TBXAS1: variants seen among roughly 807,000 people sequenced by gnomAD.
TBXAS1 encodes thromboxane-A synthase.
A neutral mutation model predicts 60.7 loss-of-function variants in TBXAS1; 48 were observed. The ratio of observed to expected loss-of-function variants is 0.79; its 90% CI spans 0.63 to 1.01. TBXAS1 has a LOEUF of 1.01. Among genes scored for constraint, TBXAS1 ranks in the 50% least tolerant of loss-of-function variants. The pLI, the probability that TBXAS1 is intolerant of heterozygous loss-of-function variation, is 0.00. For synonymous variants in TBXAS1, 287 were observed against 269.7 expected, an observed-to-expected ratio of 1.06 and a Z score of -0.63; for missense variants, 685 against 686.3, an observed-to-expected ratio of 1.00 and a Z score of 0.02.
intron 1 of TBXAS1, among the ~76,000 whole-genome samples, chr7:139,845,270 G>A (rs956714121): frequency 1.3e-5 from 2 of 152,088 alleles, no homozygotes; most frequent in Admixed American, 6.5e-5. Context: ...AAGGAAGTGA[G>A]TGTTCCTGGC....
chr7:139,971,511 C>A (rs1489280157), intron 9 of TBXAS1, among the ~76,000 whole-genome samples: 1 of 152,226 alleles, frequency 6.6e-6, no homozygotes, highest in African/African-American at 2.4e-5. Context: ...ATCCGGCCAT[C>A]TGCCTGTTCC....
intron 4 of TBXAS1, among the ~76,000 whole-genome samples, chr7:139,914,880 C>T (rs1416428154): frequency 6.6e-6 from 1 of 152,160 alleles, no homozygotes; most frequent in African/African-American, 2.4e-5. Flanking sequence ...ATGACATAAA[C>T]ACATATTGAC....
intron 9 of TBXAS1, among the ~76,000 whole-genome samples, chr7:139,987,320 G>A (rs1038252707): frequency 9.9e-5 from 15 of 152,090 alleles, no homozygotes; most frequent in South Asian, 4.2e-4. Context: ...CCAGGGTCCC[G>A]GGGAGACTAA....
intron 4 of TBXAS1, among the ~76,000 whole-genome samples, chr7:139,791,391 A>C (rs909948695): frequency 6.6e-6 from 1 of 151,658 alleles, no homozygotes; most frequent in African/African-American, 2.4e-5. Flanking sequence ...AATGGAGGAT[A>C]CCCCCACGGG....
chr7:139,865,336 G>A (rs192791295), intron 1 of TBXAS1, among the ~76,000 whole-genome samples: 1 of 152,274 alleles, frequency 6.6e-6, no homozygotes, highest in Admixed American at 6.5e-5. Flanking sequence ...AATGGGACAA[G>A]GATAAAGGGA....
chr7:139,983,748 G>A lies in TBXAS1; in HGVS notation c.1134+21515G>A, dbSNP rs920318138. ...TCCGCACACATTTTTTTTTCTAGTT[G>A]TCATAAACAAATTTCAAAGAAAGCC... On this transcript the variant is annotated intron_variant, in intron 9 of 12. Transcript: ENST00000448866. 2.0e-5 allele frequency among the ~76,000 whole-genome samples: 3 copies of A among 151,872 alleles called. No homozygotes were observed. The East Asian group carries it at 5.8e-4, about 29-fold the overall frequency.
rs1569501232 is a variant in TBXAS1 at position 139,852,933 on chromosome 7, A to AATACACACAC, written c.90-19300_90-19291dup. Reference sequence around the variant, plus strand: ...CCTGTGTACCAACCTTGGCTACTCCAATACACACACACACACACACACACA... The same window carrying AATACACACAC: ...CCTGTGTACCAACCTTGGCTACTCCAATACACACACATACACACACACACACACACACACA... On this transcript the variant is annotated intron_variant, in intron 1 of 12. Transcript: ENST00000448866. The surrounding 1 kb of genome is among the most constrained non-coding windows in gnomAD (Gnocchi z 4.4). Among the ~76,000 whole-genome samples the AATACACACAC allele has an allele frequency of 3.4e-5, 4 of 118,102 alleles. No homozygotes were observed. Among genetic ancestry groups the AATACACACAC allele is most frequent in the African/African-American group, 9.9e-5 (3 of 30,324 alleles). The allele number at this position is 118,102 out of a possible 152,430, so 77.5% of individuals were successfully genotyped here. A position where few individuals can be genotyped will look rare whatever the true frequency, so the allele number is the denominator to read the frequency against.
chr7:139,824,829 CT>C (rs1192880390), upstream of TBXAS1, among the ~76,000 whole-genome samples: 737 of 38,824 alleles, frequency 0.019, no homozygotes, highest in African/African-American at 0.049. Flanking sequence ...TTTTCCTTTT[CT>C]TTTTTTTTTT....
intron 3 of TBXAS1, among the ~76,000 whole-genome samples, chr7:139,878,756 T>G (rs1320390023): frequency 6.6e-6 from 1 of 152,262 alleles, no homozygotes; most frequent in Non-Finnish European, 1.5e-5. Context: ...TTAATTTAAA[T>G]TACATTAGTT....
At chr7:140,008,384 G>A (rs1004584304) in intron 10 of TBXAS1, among the ~76,000 whole-genome samples, 3 of 151,768 alleles carry the variant, frequency 2.0e-5, no homozygotes, top group Non-Finnish European at 4.4e-5. Flanking sequence ...GACCTGATGT[G>A]CAGCCCTTCC....
At chr7:139,863,479 G>C (rs765722202) in intron 1 of TBXAS1, among the ~76,000 whole-genome samples, 1 of 152,168 alleles carries the variant, frequency 6.6e-6, no homozygotes, top group Non-Finnish European at 1.5e-5. Flanking sequence ...AAAAACAATA[G>C]GAAGGTCTTG....
At chr7:139,827,576 C>T (rs1798473625), upstream of TBXAS1, among the ~76,000 whole-genome samples, 1 of 152,010 alleles carries the variant, frequency 6.6e-6, no homozygotes. Context: ...TTTATAGGTC[C>T]TGTGTGATTT....
chr7:139,789,242 T>TC (rs1797301440), intron 4 of TBXAS1: 5 of 140,978 alleles, frequency 3.5e-5, no homozygotes, highest in Admixed American at 2.1e-4. Flanking sequence ...CTCTCTCTCT[T>TC]TCTTTCTCCC....
chr7:139,825,758 C>T (rs1798419950), upstream of TBXAS1, among the ~76,000 whole-genome samples: 1 of 152,150 alleles, frequency 6.6e-6, no homozygotes, highest in South Asian at 2.1e-4. Flanking sequence ...CTGTTTTCAC[C>T]TCTGTAAAAA....
chr7:139,812,917 TGTG>T (rs1569493510), intron 4 of TBXAS1, among the ~76,000 whole-genome samples: 1 of 151,458 alleles, frequency 6.6e-6, no homozygotes, highest in Non-Finnish European at 1.5e-5. Context: ...ATTAGCCAGG[TGTG>T]GTGGTGGGTG....
At chr7:139,832,862 G>T (rs1798799104) in intron 1 of TBXAS1, among the ~76,000 whole-genome samples, 1 of 152,202 alleles carries the variant, frequency 6.6e-6, no homozygotes, top group South Asian at 2.1e-4. Flanking sequence ...GTGAAACTAA[G>T]CATCATGTAT....
intron 2 of TBXAS1, among the ~76,000 whole-genome samples, chr7:139,781,076 G>A (rs7455629): frequency 0.1 from 15,847 of 152,260 alleles, 2,723 homozygotes; most frequent in African/African-American, 0.36. Context: ...GAGTCCCATG[G>A]AAGGGGAACA....
At chr7:139,869,489 G>A (rs1584725667) in intron 1 of TBXAS1, among the ~76,000 whole-genome samples, 1 of 152,142 alleles carries the variant, frequency 6.6e-6, no homozygotes, top group East Asian at 1.9e-4. Context: ...CCAGGTTCAA[G>A]AGATTCTCTT....
At chr7:139,974,652 T>G (rs1811441453) in intron 9 of TBXAS1, among the ~76,000 whole-genome samples, 2 of 152,118 alleles carry the variant, frequency 1.3e-5, no homozygotes, top group Admixed American at 1.3e-4. Context: ...ATTAAACGAG[T>G]TAAGAATACA....
Sources: allele counts gnomAD v4.1 joint callset (sites outside exome capture counted in the v4.1 genomes callset), GRCh38; gene constraint gnomAD v4.1.1; non-coding constraint Gnocchi (gnomAD v3.1); transcripts MANE v1.5; gene names NCBI Gene and HGNC (gene_info 2026-07-23, HGNC 2026-07-21).